Variants in NQO2 observed in about 807,000 individuals in gnomAD.
The protein encoded by NQO2 is N-ribosyldihydronicotinamide:quinone dehydrogenase 2, also known as ribosyldihydronicotinamide dehydrogenase [quinone].
NQO2 carries 18 observed loss-of-function variants against 22.0 expected under a neutral mutation model. The ratio of observed to expected loss-of-function variants is 0.82; its 90% confidence interval spans 0.56 to 1.21. The LOEUF (loss-of-function observed/expected upper bound fraction) is 1.21. Ranked by LOEUF, NQO2 falls within the 50% of genes most tolerant of loss-of-function variation. The pLI is 0.00. For missense variants in NQO2, 267 were observed against 286.9 expected (o/e 0.93, Z 0.50); for synonymous variants, 106 against 110.8 (o/e 0.96, Z 0.28).
chr6:3,012,945 A>ATTT (rs1561715126), intron 4 of NQO2, among the ~76,000 whole-genome samples: 1 of 61,788 alleles, frequency 1.6e-5, no homozygotes, highest in Non-Finnish European at 3.3e-5. Context: ...ATGTAACACT[A>ATTT]CTTTTTTTTT....
chr6:3,011,478 G>A lies in NQO2; in HGVS notation c.173-1066G>A, dbSNP rs954008668. On this transcript the variant is annotated intron_variant, in intron 3 of 6. Coordinates refer to ENST00000380455, the MANE Select transcript of NQO2 (RefSeq NM_000904.6). Reference sequence around the variant, plus strand: ...AATTACCTCAAAAGACCAAATCTAAGAATGATTGGTGCTTAAGAGGAAGCT... The same window carrying A: ...AATTACCTCAAAAGACCAAATCTAAAAATGATTGGTGCTTAAGAGGAAGCT... Among the ~76,000 whole-genome samples the A allele has an allele frequency of 2.0e-5, 3 of 152,262 alleles. No homozygotes were observed. In the East Asian group the frequency reaches 5.8e-4, roughly 29 times the overall value.
chr6:3,010,332 A>T, intron 3 of NQO2, 143 bp downstream of exon 3: 1 of 656,492 alleles, frequency 1.5e-6, no homozygotes, highest in Non-Finnish European at 2.5e-6. Flanking sequence ...CACTGGGATT[A>T]TCACCAGCAG....
intron 1 of NQO2, chr6:3,004,553 T>C: frequency 1.1e-5 from 11 of 985,590 alleles, no homozygotes; most frequent in African/African-American, 1.7e-5. Flanking sequence ...TGCAGTATTC[T>C]GCAGACCCCA....
Position 3,019,461 on chromosome 6 carries a change from C to G in NQO2, c.520-18C>G. On this transcript the variant is annotated intron_variant, in intron 6 of 6. Transcript: ENST00000380455. ...GGTGTAGTTTCTAATGAGTTCTTTT[C>G]TTCCCCTGTGGCTTTAGCATGGCAC... is the stretch of plus-strand genomic sequence containing the variant. The G allele has an allele frequency of 6.2e-7, 1 of 1,600,770 alleles. No homozygotes were observed. Among genetic ancestry groups the G allele is most frequent in the Non-Finnish European group, 8.5e-7 (1 of 1,172,418 alleles).
At chr6:3,011,357 CA>C (rs1175281091) in intron 3 of NQO2, among the ~76,000 whole-genome samples, 6 of 151,704 alleles carry the variant, frequency 4.0e-5, no homozygotes, top group African/African-American at 1.5e-4. Context: ...ATGGATGAAG[CA>C]GAAGAAAAAA....
chr6:3,019,239 A>T (rs1226675096), intron 6 of NQO2: 3 of 381,814 alleles, frequency 7.9e-6, no homozygotes, highest in African/African-American at 6.6e-5. Flanking sequence ...TTGTAGGTTA[A>T]TTGCAGTTAT....
At chr6:3,002,242 A>G (rs1044690799) in intron 1 of NQO2, 35 of 985,060 alleles carry the variant, frequency 3.6e-5, no homozygotes, top group Admixed American at 1.2e-4. Flanking sequence ...GAATCAGGAT[A>G]AGGTGTTCCC....
chr6:3,012,435 T>A (rs1472371350), intron 3 of NQO2, 109 bp from the exon 4 acceptor site: 1 of 1,507,290 alleles, frequency 6.6e-7, no homozygotes, highest in Non-Finnish European at 8.9e-7. Flanking sequence ...TTGCAGCAAA[T>A]GTCTTTGACT....
chr6:3,005,016 G>T (rs1487202195), intron 1 of NQO2, among the ~76,000 whole-genome samples: 1 of 151,974 alleles, frequency 6.6e-6, no homozygotes, highest in African/African-American at 2.4e-5. Context: ...GCTGGTCTCG[G>T]ACTCCTGACC....
chr6:3,010,220 A>C (rs1757098311), intron 3 of NQO2, 31 bp downstream of exon 3: 1 of 1,518,478 alleles, frequency 6.6e-7, no homozygotes. Flanking sequence ...TCTATTTATA[A>C]AAACCATCTT....
intron 4 of NQO2, among the ~76,000 whole-genome samples, chr6:3,013,097 A>T (rs968304947): frequency 6.6e-6 from 1 of 151,128 alleles, no homozygotes; most frequent in Non-Finnish European, 1.5e-5. Context: ...CTGGGACTAC[A>T]GGCGCCCGCC....
chr6:3,019,159 G>C (rs1757445137), intron 6 of NQO2, among the ~76,000 whole-genome samples: 1 of 152,118 alleles, frequency 6.6e-6, no homozygotes, highest in Non-Finnish European at 1.5e-5. Flanking sequence ...ATAATCTATA[G>C]TGTGAATGTA....
rs1486191664 is a variant in NQO2 at position 3,016,868 on chromosome 6, G to A, written c.418-16G>A. ...TTCTGGAGTCCACACAAATGCATCT[G>A]CTTTCTCCCTTGCAGGGTAAACTAG... On this transcript the variant is annotated splice_polypyrimidine_tract_variant and intron_variant, in intron 5 of 6. Transcript: ENST00000380455. 2 of 1,612,546 alleles carry A rather than the reference G, an allele frequency of 1.2e-6. No homozygotes were observed. The highest frequency in any genetic ancestry group is 1.7e-6 in the Non-Finnish European group (2 of 1,179,840).
At position 3,010,952 on chromosome 6, in the gene NQO2, GA is replaced by G. The variant is rs35198315; in HGVS notation, c.172+775del. Among the ~76,000 whole-genome samples the G allele has an allele frequency of 8.1e-3, 1,200 of 149,012 alleles. 15 individuals carry two copies. Among genetic ancestry groups the G allele is most frequent in the African/African-American group, 0.027 (1,110 of 40,616 alleles). ...AAAAGCAGGTGGTGGCTTAGTAGAGGAAAAAAAAAAAATTTAATAAGAAAGT... is the reference window on the plus strand; with the variant it reads ...AAAAGCAGGTGGTGGCTTAGTAGAGGAAAAAAAAAAATTTAATAAGAAAGT... On this transcript the variant is annotated intron_variant, in intron 3 of 6. Coordinates refer to ENST00000380455, the MANE Select transcript of NQO2 (RefSeq NM_000904.6).
intron 1 of NQO2, chr6:3,005,708 G>T (rs913534135): frequency 1.0e-6 from 1 of 985,338 alleles, no homozygotes; most frequent in South Asian, 4.7e-5. Flanking sequence ...CCAGGAGGGG[G>T]TGAGGCCAAA....
chr6:3,017,133 C>A (rs1757358398), intron 6 of NQO2, 148 bp downstream of exon 6: 2 of 914,280 alleles, frequency 2.2e-6, no homozygotes, highest in Non-Finnish European at 3.3e-6. Context: ...AGCGTGATGC[C>A]CCACACCATT....
chr6:3,016,376 A>G (rs1450702395), intron 5 of NQO2, among the ~76,000 whole-genome samples: 1 of 148,554 alleles, frequency 6.7e-6, no homozygotes, highest in Non-Finnish European at 1.5e-5. Context: ...GGTTGCAGTG[A>G]GCCAAAATCG....
Position 3,015,662 on chromosome 6 carries a change from G to A in NQO2, c.417+19G>A. On this transcript the variant is annotated intron_variant, in intron 5 of 6. Coordinates refer to ENST00000380455, the MANE Select transcript of NQO2 (RefSeq NM_000904.6). ...GCTCCAGGTATGTGCTCTTGGATAAGGATCACTATGGATAGTTGGAGGGAG... is the reference window on the plus strand; with the variant it reads ...GCTCCAGGTATGTGCTCTTGGATAAAGATCACTATGGATAGTTGGAGGGAG... 6.2e-7 allele frequency: 1 copy of A among 1,608,764 alleles called. No individual in the cohort carries two copies. The highest frequency in any genetic ancestry group is 1.1e-5 in the South Asian group (1 of 90,912).
chr6:3,003,050 A>T (rs1338390788), intron 1 of NQO2, among the ~76,000 whole-genome samples: 1 of 152,166 alleles, frequency 6.6e-6, no homozygotes, highest in African/African-American at 2.4e-5. Context: ...GGGCTTTGCC[A>T]GGCCTCCCTA....
Sources: allele counts gnomAD v4.1 joint callset (sites outside exome capture counted in the v4.1 genomes callset), GRCh38; gene constraint gnomAD v4.1.1; transcripts MANE v1.5; gene names NCBI Gene and HGNC (gene_info 2026-07-23, HGNC 2026-07-21).